SAMD12: variants seen among roughly 807,000 people sequenced by gnomAD.
SAMD12 encodes the protein sterile alpha motif domain-containing protein 12.
SAMD12 carries 9 observed loss-of-function variants against 15.0 expected under a neutral mutation model. The observed-to-expected ratio is 0.60, with a 90% confidence interval of 0.36 to 1.05. The LOEUF is 1.05. Among genes scored for constraint, SAMD12 ranks in the 50% least tolerant of loss-of-function variants. The probability of loss-of-function intolerance (pLI) is 0.01; values close to 1 mark genes in which losing one functional copy is unlikely to be tolerated. For synonymous variants in SAMD12, 86 were observed against 90.1 expected (o/e 0.96, Z 0.25); for missense variants, 230 against 234.2 (o/e 0.98, Z 0.12).
At chr8:118,398,323 T>C (rs1338414950) in intron 3 of SAMD12, among the ~76,000 whole-genome samples, 1 of 152,130 alleles carries the variant, frequency 6.6e-6, no homozygotes, top group Admixed American at 6.5e-5. Flanking sequence ...CACTTGAACC[T>C]GGCCGATGCA....
intron 4 of SAMD12, among the ~76,000 whole-genome samples, chr8:118,320,614 C>T: frequency 8.3e-6 from 1 of 119,830 alleles, no homozygotes; most frequent in Non-Finnish European, 1.6e-5. Context: ...TAGAATTGAA[C>T]AATGAAAACA....
intron 2 of SAMD12, among the ~76,000 whole-genome samples, chr8:118,523,987 T>A (rs1825464246): frequency 6.6e-6 from 1 of 152,136 alleles, no homozygotes; most frequent in Admixed American, 6.5e-5. Flanking sequence ...TGTCCTCAAT[T>A]TCTCCCTCTT....
At chr8:118,304,993 A>G (rs977898373) in intron 4 of SAMD12, among the ~76,000 whole-genome samples, 1 of 150,214 alleles carries the variant, frequency 6.7e-6, no homozygotes, top group Non-Finnish European at 1.5e-5. Flanking sequence ...TATCAAAAAT[A>G]CAAAAATTAG....
chr8:118,310,406 A>G (rs1286891430), intron 4 of SAMD12, among the ~76,000 whole-genome samples: 1 of 152,198 alleles, frequency 6.6e-6, no homozygotes, highest in Non-Finnish European at 1.5e-5. Context: ...CTTTGCAGCT[A>G]GATTGTAGGT....
At chr8:118,157,705 G>A in the SAMD12 span, among the ~76,000 whole-genome samples, 1 of 152,160 alleles carries the variant, frequency 6.6e-6, no homozygotes, top group South Asian at 2.1e-4. Flanking sequence ...TGCAATTAGG[G>A]CAGTGAAACA....
At chr8:118,394,624 T>A (rs1820456571) in intron 3 of SAMD12, among the ~76,000 whole-genome samples, 1 of 152,216 alleles carries the variant, frequency 6.6e-6, no homozygotes, top group South Asian at 2.1e-4. Flanking sequence ...TTGAATTGAC[T>A]GGGTTTACCA....
At chr8:118,614,326 CA>C (rs1828186043) in intron 1 of SAMD12, among the ~76,000 whole-genome samples, 1 of 152,178 alleles carries the variant, frequency 6.6e-6, no homozygotes, top group Non-Finnish European at 1.5e-5. Context: ...TTAATATTCT[CA>C]TTTGATAGAC....
At chr8:118,143,479 T>C in the SAMD12 span, among the ~76,000 whole-genome samples, 1 of 152,206 alleles carries the variant, frequency 6.6e-6, no homozygotes, top group Non-Finnish European at 1.5e-5. Flanking sequence ...GCAGAACTCA[T>C]GGCATCTACC....
chr8:118,243,278 A>T (rs1033839541), intron 4 of SAMD12, among the ~76,000 whole-genome samples: 8 of 152,154 alleles, frequency 5.3e-5, no homozygotes, highest in African/African-American at 1.9e-4. Flanking sequence ...TATCAAATGT[A>T]TTGGCATTTT....
intron 2 of SAMD12, among the ~76,000 whole-genome samples, chr8:118,543,945 C>T (rs1190178041): frequency 1.3e-5 from 2 of 152,080 alleles, no homozygotes; most frequent in African/African-American, 2.4e-5. Context: ...CCCAATTATC[C>T]TTTTCACCCC....
chr8:118,160,172 T>C, the SAMD12 span, among the ~76,000 whole-genome samples: 1 of 152,214 alleles, frequency 6.6e-6, no homozygotes, highest in African/African-American at 2.4e-5. Flanking sequence ...TAAAGACTAA[T>C]TTGACAAAAG....
chr8:118,323,736 T>C (rs1426451467), intron 4 of SAMD12, among the ~76,000 whole-genome samples: 2 of 152,156 alleles, frequency 1.3e-5, no homozygotes, highest in African/African-American at 2.4e-5. Flanking sequence ...GCCACTGCAC[T>C]CCAGCCTGGG....
chr8:118,519,895 T>A (rs1586782918), intron 2 of SAMD12, among the ~76,000 whole-genome samples: 1 of 152,204 alleles, frequency 6.6e-6, no homozygotes, highest in Non-Finnish European at 1.5e-5. Context: ...AACATTATGA[T>A]CAAGCTATAA....
At chr8:118,524,771 T>C (rs1417646322) in intron 2 of SAMD12, among the ~76,000 whole-genome samples, 1 of 152,182 alleles carries the variant, frequency 6.6e-6, no homozygotes, top group African/African-American at 2.4e-5. Context: ...AACTGCTTCT[T>C]ATTCCTCATG....
At chr8:118,347,886 G>A (rs1817746380) in intron 4 of SAMD12, among the ~76,000 whole-genome samples, 1 of 152,108 alleles carries the variant, frequency 6.6e-6, no homozygotes, top group East Asian at 1.9e-4. Flanking sequence ...CTCTAAGCAT[G>A]GCAAAGTGGC....
At chr8:118,280,642 G>A (rs1269873047) in intron 4 of SAMD12, among the ~76,000 whole-genome samples, 2 of 152,096 alleles carry the variant, frequency 1.3e-5, no homozygotes. Flanking sequence ...CAAGCTCCAG[G>A]CAGCAGCAAA....
chr8:118,552,779 AC>A (rs1826385801), intron 2 of SAMD12, among the ~76,000 whole-genome samples: 1 of 151,962 alleles, frequency 6.6e-6, no homozygotes, highest in Non-Finnish European at 1.5e-5. Flanking sequence ...TCTCTAGAAA[AC>A]CCCATTGTCT....
At chr8:118,233,186 G>T (rs566413490) in intron 4 of SAMD12, among the ~76,000 whole-genome samples, 2 of 152,014 alleles carry the variant, frequency 1.3e-5, no homozygotes, top group African/African-American at 4.8e-5. Flanking sequence ...TCCCCCAAAG[G>T]GTTTTGGCAC....
At chr8:118,600,304 T>G (rs1827828142) in intron 1 of SAMD12, among the ~76,000 whole-genome samples, 1 of 152,046 alleles carries the variant, frequency 6.6e-6, no homozygotes, top group East Asian at 1.9e-4. Flanking sequence ...AAACTACATT[T>G]AGAGTATCTT....
Sources: gnomAD v4.1 joint callset for allele counts (sites outside exome capture counted in the v4.1 genomes callset) on GRCh38, gnomAD v4.1.1 for gene constraint, MANE v1.5 for transcripts, NCBI Gene and HGNC (gene_info 2026-07-23, HGNC 2026-07-21) for gene names.